The following SIPA1L1 variants were observed in gnomAD, a reference collection of about 807,000 sequenced individuals.
SIPA1L1 encodes signal-induced proliferation-associated 1-like protein 1.
A neutral mutation model predicts 162.7 loss-of-function variants in SIPA1L1; 26 were observed. The ratio of observed to expected loss-of-function variants is 0.16; its 90% CI spans 0.12 to 0.22. The LOEUF (loss-of-function observed/expected upper bound fraction) is 0.22, where lower values mean the gene tolerates loss of function less well. Ranked by LOEUF, SIPA1L1 falls within the 10% of genes least tolerant of loss-of-function variation. The probability of loss-of-function intolerance (pLI) is 1.00; values close to 1 mark genes in which losing one functional copy is unlikely to be tolerated. For missense variants in SIPA1L1, 1,874 were observed against 2,241.0 expected (o/e 0.84, Z 3.31); for synonymous variants, 829 against 837.4 (o/e 0.99, Z 0.17).
At chr14:71,564,040 T>G (rs1419813338) in intron 4 of SIPA1L1, among the ~76,000 whole-genome samples, 1 of 152,060 alleles carries the variant, frequency 6.6e-6, no homozygotes, top group Non-Finnish European at 1.5e-5. Flanking sequence ...CTCCACCTTC[T>G]GTCTCAAGGG....
intron 14 of SIPA1L1, among the ~76,000 whole-genome samples, chr14:71,699,719 T>G (rs113412765): frequency 6.3e-4 from 96 of 152,276 alleles, no homozygotes; most frequent in Non-Finnish European, 1.1e-3. Flanking sequence ...GACTCTTAGA[T>G]TAGGGATCAA....
At chr14:71,426,580 C>A (rs1267952770) in intron 2 of SIPA1L1, among the ~76,000 whole-genome samples, 1 of 150,996 alleles carries the variant, frequency 6.6e-6, no homozygotes, top group Non-Finnish European at 1.5e-5. Context: ...ACCTCTGCCT[C>A]CCAGGTTCAA....
At chr14:71,501,771 C>G (rs975981184) in intron 2 of SIPA1L1, among the ~76,000 whole-genome samples, 1 of 152,008 alleles carries the variant, frequency 6.6e-6, no homozygotes, top group African/African-American at 2.4e-5. Flanking sequence ...GCCTGTAATC[C>G]CAGCACATTG....
At chr14:71,533,300 C>G (rs929874808) in intron 4 of SIPA1L1, among the ~76,000 whole-genome samples, 18 of 152,180 alleles carry the variant, frequency 1.2e-4, no homozygotes, top group African/African-American at 4.3e-4. Flanking sequence ...TTATAAGTCA[C>G]TTAGGAATAG....
At chr14:71,444,541 A>G (rs1313723945) in intron 2 of SIPA1L1, among the ~76,000 whole-genome samples, 1 of 152,126 alleles carries the variant, frequency 6.6e-6, no homozygotes, top group Non-Finnish European at 1.5e-5. Flanking sequence ...TTTCCTATCT[A>G]CAGTTCCCAG....
chr14:71,558,052 TA>T (rs1156704939), intron 4 of SIPA1L1, among the ~76,000 whole-genome samples: 2 of 152,152 alleles, frequency 1.3e-5, no homozygotes, highest in Non-Finnish European at 2.9e-5. Context: ...GTGACATAGG[TA>T]AAAAAATATT....
At position 71,732,552 on chromosome 14, in the gene SIPA1L1, G is replaced by A. The variant is rs143802028; in HGVS notation, c.4862-1114G>A. Reference sequence around the variant, plus strand: ...TGTTCAGGGTGGCTCACTCTGCCCAGTCCTCCCTGCCAAGCAGATCTTAGT... The same window carrying A: ...TGTTCAGGGTGGCTCACTCTGCCCAATCCTCCCTGCCAAGCAGATCTTAGT... On this transcript the variant is annotated intron_variant, in intron 20 of 23. Transcript: ENST00000381232. 1.4e-3 allele frequency among the ~76,000 whole-genome samples: 219 copies of A among 152,268 alleles called. 2 individuals carry two copies. Among genetic ancestry groups the A allele is most frequent in the African/African-American group, 4.9e-3 (205 of 41,556 alleles).
intron 4 of SIPA1L1, among the ~76,000 whole-genome samples, chr14:71,542,573 T>TCCTCCCCCTCCC (rs2054539260): frequency 1.5e-5 from 2 of 134,590 alleles, no homozygotes; most frequent in African/African-American, 5.6e-5. Context: ...CTCCTTCTCT[T>TCCTCCCCCTCCC]CCTCCTCCTT....
intron 2 of SIPA1L1, among the ~76,000 whole-genome samples, chr14:71,368,103 G>A (rs1409180636): frequency 9.0e-5 from 12 of 133,300 alleles, no homozygotes; most frequent in Non-Finnish European, 1.8e-4. Flanking sequence ...CAGCTTTTAT[G>A]TTTTTTGTAC....
chr14:71,537,935 T>G (rs375073639), intron 4 of SIPA1L1, among the ~76,000 whole-genome samples: 1 of 152,172 alleles, frequency 6.6e-6, no homozygotes, highest in African/African-American at 2.4e-5. Flanking sequence ...CTCATCAGGG[T>G]CTGAGGATGG....
intron 2 of SIPA1L1, among the ~76,000 whole-genome samples, chr14:71,465,907 G>C (rs2046957156): frequency 6.6e-6 from 1 of 152,178 alleles, no homozygotes; most frequent in Non-Finnish European, 1.5e-5. Context: ...AGGCTGGGAG[G>C]CTAGGCCAGT....
chr14:71,344,207 G>C (rs1289914993), intron 2 of SIPA1L1, among the ~76,000 whole-genome samples: 1 of 152,190 alleles, frequency 6.6e-6, no homozygotes, highest in Non-Finnish European at 1.5e-5. Context: ...TACAGTCATA[G>C]TGTTTCATAT....
At chr14:71,496,842 A>G (rs2049826572) in intron 2 of SIPA1L1, among the ~76,000 whole-genome samples, 1 of 152,160 alleles carries the variant, frequency 6.6e-6, no homozygotes, top group Non-Finnish European at 1.5e-5. Flanking sequence ...TTTCTCCAGT[A>G]ATGTTTTTAT....
intron 2 of SIPA1L1, among the ~76,000 whole-genome samples, chr14:71,458,229 T>C (rs117283960): frequency 6.6e-6 from 1 of 152,336 alleles, no homozygotes; most frequent in East Asian, 1.9e-4. Flanking sequence ...GCTTACTTTA[T>C]TATTGACAGC....
chr14:71,522,821 G>C (rs995979552), intron 3 of SIPA1L1, among the ~76,000 whole-genome samples: 1 of 152,014 alleles, frequency 6.6e-6, no homozygotes, highest in East Asian at 1.9e-4. Context: ...AGCCTCCCGA[G>C]TAGTTGGGAT....
intron 13 of SIPA1L1, among the ~76,000 whole-genome samples, chr14:71,694,664 A>G (rs1489276260): frequency 6.6e-6 from 1 of 152,246 alleles, no homozygotes; most frequent in African/African-American, 2.4e-5. Flanking sequence ...TCTGACAGTG[A>G]CCAGAGCATT....
At chr14:71,548,948 A>G (rs1181434758) in intron 4 of SIPA1L1, among the ~76,000 whole-genome samples, 2 of 152,046 alleles carry the variant, frequency 1.3e-5, no homozygotes, top group Non-Finnish European at 2.9e-5. Flanking sequence ...ATATAGCTTA[A>G]AGTTTATTTG....
intron 4 of SIPA1L1, among the ~76,000 whole-genome samples, chr14:71,532,604 A>G (rs1357941795): frequency 6.6e-6 from 1 of 152,230 alleles, no homozygotes; most frequent in African/African-American, 2.4e-5. Context: ...GAAAAGCAAT[A>G]CTACATGAAT....
At chr14:71,402,299 T>A (rs1466077887) in intron 2 of SIPA1L1, among the ~76,000 whole-genome samples, 1 of 152,014 alleles carries the variant, frequency 6.6e-6, no homozygotes, top group Non-Finnish European at 1.5e-5. Flanking sequence ...GGAATAGGAT[T>A]GTCTTGGGTT....
Sources: allele counts gnomAD v4.1 joint callset (sites outside exome capture counted in the v4.1 genomes callset), GRCh38; gene constraint gnomAD v4.1.1; transcripts MANE v1.5; gene names NCBI Gene and HGNC (gene_info 2026-07-23, HGNC 2026-07-21).